NCOA1: variants seen among roughly 807,000 people sequenced by gnomAD.
NCOA1 encodes the protein nuclear receptor coactivator 1, also known as Hin-2 protein.
In NCOA1, 35 loss-of-function variants were observed where a neutral mutation model predicts 150.9. The ratio of observed to expected loss-of-function variants is 0.23; its 90% CI spans 0.18 to 0.31. NCOA1 has a LOEUF of 0.31. NCOA1 is among the 10% of genes least tolerant of loss of function. NCOA1 has a pLI of 1.00. For missense variants in NCOA1, 1,491 were observed against 1,749.3 expected (o/e 0.85, Z 2.63); for synonymous variants, 590 against 630.0 (o/e 0.94, Z 0.95).
intron 1 of NCOA1, among the ~76,000 whole-genome samples, chr2:24,526,986 A>G (rs1281321137): frequency 6.6e-6 from 1 of 152,236 alleles, no homozygotes; most frequent in East Asian, 1.9e-4. Flanking sequence ...GACAATATGC[A>G]TAGGTTATAT....
At chr2:24,624,937 A>G (rs1351567048) in intron 3 of NCOA1, among the ~76,000 whole-genome samples, 1 of 152,184 alleles carries the variant, frequency 6.6e-6, no homozygotes, top group African/African-American at 2.4e-5. Context: ...GGCATTGCCA[A>G]CCATACGGGA....
At chr2:24,636,768 C>G (rs1214674664) in intron 3 of NCOA1, among the ~76,000 whole-genome samples, 1 of 151,934 alleles carries the variant, frequency 6.6e-6, no homozygotes, top group Non-Finnish European at 1.5e-5. Context: ...TCTCCCTTAT[C>G]AGATTGATGG....
intron 5 of NCOA1, among the ~76,000 whole-genome samples, chr2:24,663,454 G>C (rs539151689): frequency 2.0e-5 from 3 of 152,244 alleles, no homozygotes; most frequent in Admixed American, 2.0e-4. Flanking sequence ...AGACACAGTA[G>C]TACATGGTTA....
intron 8 of NCOA1, among the ~76,000 whole-genome samples, chr2:24,687,873 A>G (rs1397272191): frequency 6.6e-6 from 1 of 152,130 alleles, no homozygotes; most frequent in Non-Finnish European, 1.5e-5. Context: ...CTAGCACCCA[A>G]TAGTTATTTT....
At chr2:24,730,533 T>C (rs907792138) in intron 17 of NCOA1, among the ~76,000 whole-genome samples, 2 of 152,158 alleles carry the variant, frequency 1.3e-5, no homozygotes, top group African/African-American at 4.8e-5. Context: ...TTATATTGAT[T>C]GAGGTTGGAG....
At chr2:24,627,895 A>G (rs548231960) in intron 3 of NCOA1, among the ~76,000 whole-genome samples, 33 of 152,366 alleles carry the variant, frequency 2.2e-4, no homozygotes, top group African/African-American at 7.5e-4. Context: ...TGATACAAAA[A>G]TGCTCTTCCT....
chr2:24,517,987 G>A (rs1291979777), intron 1 of NCOA1, among the ~76,000 whole-genome samples: 2 of 152,056 alleles, frequency 1.3e-5, no homozygotes, highest in Non-Finnish European at 2.9e-5. Context: ...ATTTTGTGTA[G>A]ATATTCTTAC....
In NCOA1 at chr2:24,552,550, A is replaced by G. The variant is rs561511338; in HGVS notation, c.-395-11745A>G. ...CCAGCTAATTTTTTGTATTTTTAGT[A>G]GAGACGGGGTTTCACTATGTTAGCC... On this transcript the variant is annotated intron_variant, in intron 1 of 22. Coordinates refer to ENST00000348332, the MANE Select transcript of NCOA1 (RefSeq NM_003743.5). Among the ~76,000 whole-genome samples, 14 of 151,152 alleles carry G rather than the reference A, an allele frequency of 9.3e-5. No individual in the cohort carries two copies. In the East Asian group the frequency reaches 2.3e-3, roughly 25 times the overall value.
At chr2:24,628,194 G>A (rs1669518804) in intron 3 of NCOA1, among the ~76,000 whole-genome samples, 1 of 152,050 alleles carries the variant, frequency 6.6e-6, no homozygotes, top group Non-Finnish European at 1.5e-5. Flanking sequence ...CAGCTACTTG[G>A]GACGCTGAGG....
At chr2:24,715,585 T>A (rs1673989667) in intron 14 of NCOA1, among the ~76,000 whole-genome samples, 1 of 152,196 alleles carries the variant, frequency 6.6e-6, no homozygotes. Context: ...AAAAATCAAT[T>A]GTATTTCTGT....
chr2:24,726,526 G>T, intron 14 of NCOA1, 63 bp from the exon 15 acceptor site: 1 of 994,858 alleles, frequency 1.0e-6, no homozygotes, highest in South Asian at 1.6e-5. Context: ...TATTATTTTT[G>T]AAAATACCAT....
At chr2:24,544,522 G>T (rs1444457173) in intron 1 of NCOA1, among the ~76,000 whole-genome samples, 2 of 152,082 alleles carry the variant, frequency 1.3e-5, no homozygotes, top group Non-Finnish European at 2.9e-5. Flanking sequence ...GTGGTGGATT[G>T]CTTGAGTTCA....
Position 24,697,758 on chromosome 2 carries a change from G to C in NCOA1, c.909G>C (p.Gln303His). Reference protein sequence around the residue: ...RKCIYAFFQPQGREPSYARQL... With the variant: ...RKCIYAFFQPHGREPSYARQL... ...GCATTTATGCTTTTTTCCAACCTCA[G>C]GGCAGAGAACCATCTTATGCCAGAC... Residue 303 changes from glutamine (Q) to histidine (H), a missense_variant, in exon 11 of 23, where the codon CAG becomes CAC. Around this residue, in one of 8 missense-constraint regions of NCOA1, gnomAD observed 25 missense variants for 66.1 expected, o/e 0.38. Coordinates refer to ENST00000348332, the MANE Select transcript of NCOA1 (RefSeq NM_003743.5). 6.2e-7 allele frequency: 1 copy of C among 1,613,850 alleles called. No individual in the cohort carries two copies. The highest frequency in any genetic ancestry group is 8.5e-7 in the Non-Finnish European group (1 of 1,179,830).
intron 17 of NCOA1, among the ~76,000 whole-genome samples, chr2:24,732,366 T>C (rs1663059738): frequency 6.6e-6 from 1 of 152,314 alleles, no homozygotes; most frequent in East Asian, 1.9e-4. Context: ...GCCCCATGTA[T>C]GTCTATACGC....
At chr2:24,667,461 T>C (rs1026174471) in intron 6 of NCOA1, among the ~76,000 whole-genome samples, 1 of 151,888 alleles carries the variant, frequency 6.6e-6, no homozygotes, top group African/African-American at 2.4e-5. Flanking sequence ...AAGCCTGTAA[T>C]ATAAAAGAGA....
intron 5 of NCOA1, among the ~76,000 whole-genome samples, chr2:24,660,322 A>T (rs1007213972): frequency 2.0e-5 from 3 of 152,040 alleles, no homozygotes; most frequent in Middle Eastern, 3.2e-3. Context: ...CATACAACAG[A>T]ATGTAATTGA....
chr2:24,684,184 T>C (rs1348059276), intron 8 of NCOA1, among the ~76,000 whole-genome samples: 1 of 152,232 alleles, frequency 6.6e-6, no homozygotes, highest in Non-Finnish European at 1.5e-5. Context: ...GTAGATTCTT[T>C]TGCTCTACTG....
intron 1 of NCOA1, among the ~76,000 whole-genome samples, chr2:24,498,348 C>A (rs1413866731): frequency 6.6e-6 from 1 of 152,164 alleles, no homozygotes; most frequent in Non-Finnish European, 1.5e-5. Flanking sequence ...AATATAGATC[C>A]TGTTCTTAAG....
At chr2:24,621,802 C>T (rs1669180368) in intron 3 of NCOA1, among the ~76,000 whole-genome samples, 1 of 152,060 alleles carries the variant, frequency 6.6e-6, no homozygotes, top group Admixed American at 6.6e-5. Context: ...TTCTAAGCAG[C>T]GCTCATGAAT....
Sources: gnomAD v4.1 joint callset for allele counts (sites outside exome capture counted in the v4.1 genomes callset) on GRCh38, gnomAD v4.1.1 for gene constraint, gnomAD v4.1.1 regional missense constraint, MANE v1.5 for transcripts, NCBI Gene and HGNC (gene_info 2026-07-23, HGNC 2026-07-21) for gene names.